The following ZFP91 variants were observed in gnomAD, a reference collection of about 807,000 sequenced individuals.
ZFP91 encodes the protein E3 ubiquitin-protein ligase ZFP91.
A neutral mutation model predicts 63.5 loss-of-function variants in ZFP91; 7 were observed. The ratio of observed to expected loss-of-function variants is 0.11; its 90% CI spans 0.06 to 0.21. The LOEUF is 0.21. Among genes scored for constraint, ZFP91 ranks in the 10% least tolerant of loss-of-function variants. ZFP91 has a pLI of 1.00. For synonymous variants in ZFP91, 330 were observed against 272.1 expected (o/e 1.21, Z -2.10); for missense variants, 628 against 736.6 (o/e 0.85, Z 1.71).
intron 2 of ZFP91, among the ~76,000 whole-genome samples, chr11:58,607,908 T>A (rs1855594618): frequency 6.6e-6 from 1 of 152,102 alleles, no homozygotes; most frequent in Non-Finnish European, 1.5e-5. Flanking sequence ...TCTTTGCTAT[T>A]ATAAACATAA....
chr11:58,617,070 T>TTTTG lies in ZFP91; in HGVS notation c.1203-125_1203-124insTTGT. Reference sequence around the variant, plus strand: ...TTCAAAAGAAGTATGTTACTGATTATTGTGTGTGTGTGTGTGTGTGTGTGT... The same window carrying TTTTG: ...TTCAAAAGAAGTATGTTACTGATTATTTTGTGTGTGTGTGTGTGTGTGTGTGTGT... On this transcript the variant is annotated intron_variant, in intron 10 of 10. Transcript: ENST00000316059. The surrounding 1 kb of genome is among the most constrained non-coding windows in gnomAD (Gnocchi z 4.2). 6 of 739,918 alleles carry TTTTG rather than the reference T, an allele frequency of 8.1e-6. No individual in the cohort carries two copies. Among genetic ancestry groups the TTTTG allele is most frequent in the Non-Finnish European group, 1.1e-5 (5 of 472,600 alleles). 45.8% of individuals were successfully genotyped at this position (739,918 alleles called of 1,614,324 possible).
At chr11:58,602,994 GAA>G (rs956773155) in intron 2 of ZFP91, among the ~76,000 whole-genome samples, 2 of 151,980 alleles carry the variant, frequency 1.3e-5, no homozygotes, top group African/African-American at 4.8e-5. Context: ...AAAAAGAAAA[GAA>G]AAAACAGCGT....
chr11:58,580,742 AATCAT>A (rs980450438), intron 1 of ZFP91, among the ~76,000 whole-genome samples: 1 of 152,226 alleles, frequency 6.6e-6, no homozygotes, highest in Non-Finnish European at 1.5e-5. Context: ...ATTCAGAGGT[AATCAT>A]ATTGTGGTAT....
At chr11:58,586,625 A>G (rs59250799) in intron 2 of ZFP91, among the ~76,000 whole-genome samples, 82 of 152,322 alleles carry the variant, frequency 5.4e-4, no homozygotes, top group African/African-American at 1.9e-3. Flanking sequence ...AACTCTATGA[A>G]CAGTAGATAG....
intron 10 of ZFP91, 39 bp downstream of exon 10, chr11:58,616,854 A>T: frequency 6.3e-7 from 1 of 1,578,950 alleles, no homozygotes. Context: ...GGTGAGAAGG[A>T]TATATGCCCT....
chr11:58,602,031 C>T (rs1022300692), intron 2 of ZFP91, among the ~76,000 whole-genome samples: 1 of 152,114 alleles, frequency 6.6e-6, no homozygotes, highest in East Asian at 1.9e-4. Context: ...AAGCAGTTCT[C>T]CTGCCTCAGC....
intron 2 of ZFP91, among the ~76,000 whole-genome samples, chr11:58,590,389 G>A (rs2134395220): frequency 6.6e-6 from 1 of 152,244 alleles, no homozygotes; most frequent in South Asian, 2.1e-4. Context: ...TTATTTACTG[G>A]TTGGGCCATT....
intron 2 of ZFP91, among the ~76,000 whole-genome samples, chr11:58,586,482 G>A (rs1855211541): frequency 2.0e-5 from 3 of 152,124 alleles, no homozygotes; most frequent in Non-Finnish European, 2.9e-5. Context: ...TGCAGCTGTG[G>A]AGAGATTAAA....
chr11:58,612,341 T>C lies in ZFP91; in HGVS notation c.908+13T>C, dbSNP rs1855679273. 2 of 1,613,262 alleles carry C rather than the reference T, an allele frequency of 1.2e-6. No individual in the cohort carries two copies. Among genetic ancestry groups the C allele is most frequent in the Admixed American group, 1.7e-5 (1 of 59,952 alleles). ...TACCCAAAAGGAGGTGAGGAATTTT[T>C]ACCCCTACTGTTTTACACCTTATTC... On this transcript the variant is annotated intron_variant, in intron 7 of 10. Coordinates refer to ENST00000316059, the MANE Select transcript of ZFP91 (RefSeq NM_053023.5).
Position 58,579,263 on chromosome 11 carries a change from G to T in ZFP91, c.-19G>T. 3 of 1,416,836 alleles carry T rather than the reference G, an allele frequency of 2.1e-6. No individual in the cohort carries two copies. Among genetic ancestry groups the T allele is most frequent in the Admixed American group, 6.7e-5 (2 of 29,836 alleles). 87.8% of individuals were successfully genotyped at this position (1,416,836 alleles called of 1,614,324 possible). A position where few individuals can be genotyped will look rare whatever the true frequency, so the allele number is the denominator to read the frequency against. On this transcript the variant is annotated 5_prime_UTR_variant, in exon 1 of 11. Transcript: ENST00000316059. ...CCTCCGCCGCCTAGGACTAGGGGGT[G>T]GGGGACGGACAAGCCCCGATGCCGG...
chr11:58,584,598 G>A (rs953410494), intron 1 of ZFP91, among the ~76,000 whole-genome samples: 5 of 152,100 alleles, frequency 3.3e-5, no homozygotes, highest in Non-Finnish European at 7.4e-5. Context: ...GTAGCCACAT[G>A]TGGCTATTTA....
At chr11:58,609,123 T>G in intron 2 of ZFP91, among the ~76,000 whole-genome samples, 1 of 152,214 alleles carries the variant, frequency 6.6e-6, no homozygotes, top group Non-Finnish European at 1.5e-5. Context: ...ACGCCAGGTA[T>G]GAAAGCCAGT....
At chr11:58,590,744 GTTAGC>G (rs1028966569) in intron 2 of ZFP91, among the ~76,000 whole-genome samples, 20 of 152,056 alleles carry the variant, frequency 1.3e-4, no homozygotes, top group African/African-American at 3.9e-4. Context: ...TTTTGATGCT[GTTAGC>G]TTAGCTTAAT....
At chr11:58,610,925 C>G in intron 4 of ZFP91, 25 bp from the exon 5 acceptor site, 1 of 1,600,302 alleles carries the variant, frequency 6.2e-7, no homozygotes, top group Non-Finnish European at 8.5e-7. Flanking sequence ...ACCAGAATGT[C>G]TCATTTCTAT....
At chr11:58,592,882 T>A (rs1403053401) in intron 2 of ZFP91, among the ~76,000 whole-genome samples, 1 of 152,154 alleles carries the variant, frequency 6.6e-6, no homozygotes, top group Non-Finnish European at 1.5e-5. Context: ...TCAGCTAGAC[T>A]TCTGGTGAGG....
intron 2 of ZFP91, among the ~76,000 whole-genome samples, chr11:58,609,379 C>T (rs1855621121): frequency 6.6e-6 from 1 of 152,172 alleles, no homozygotes; most frequent in Non-Finnish European, 1.5e-5. Flanking sequence ...GAAAAGTACT[C>T]CTGTTAGGAA....
intron 2 of ZFP91, among the ~76,000 whole-genome samples, chr11:58,589,006 G>A (rs1855259499): frequency 6.6e-6 from 1 of 152,162 alleles, no homozygotes; most frequent in Non-Finnish European, 1.5e-5. Context: ...AGTTCTGGAA[G>A]GAAAATCTGT....
chr11:58,579,246 G>A lies in ZFP91; in HGVS notation c.-36G>A, dbSNP rs1855034814. 1.5e-6 allele frequency: 2 copies of A among 1,374,500 alleles called. No individual in the cohort carries two copies. Among genetic ancestry groups the A allele is most frequent in the South Asian group, 1.6e-5 (1 of 60,950 alleles). The allele number at this position is 1,374,500 out of a possible 1,614,324, so 85.1% of individuals were successfully genotyped here. On this transcript the variant is annotated 5_prime_UTR_variant, in exon 1 of 11. Coordinates refer to ENST00000316059, the MANE Select transcript of ZFP91 (RefSeq NM_053023.5). ...CGAGGCCGCCGCCTCCGCCTCCGCC[G>A]CCTAGGACTAGGGGGTGGGGGACGG...
At chr11:58,602,788 T>C (rs1590622665) in intron 2 of ZFP91, among the ~76,000 whole-genome samples, 1 of 152,348 alleles carries the variant, frequency 6.6e-6, no homozygotes, top group South Asian at 2.1e-4. Flanking sequence ...CCTAAAAATG[T>C]TGGCATAGCT....
Sources: gnomAD v4.1 joint callset for allele counts (sites outside exome capture counted in the v4.1 genomes callset) on GRCh38, gnomAD v4.1.1 for gene constraint, Gnocchi (gnomAD v3.1) non-coding constraint, MANE v1.5 for transcripts, NCBI Gene and HGNC (gene_info 2026-07-23, HGNC 2026-07-21) for gene names.